ZNF233: variants seen among roughly 807,000 people sequenced by gnomAD.
ZNF233 encodes the protein zinc finger protein 233.
Under a neutral mutation model 11.6 loss-of-function variants are expected in ZNF233, and 7 were observed. The ratio of observed to expected loss-of-function variants is 0.60; its 90% CI spans 0.34 to 1.13. The LOEUF (loss-of-function observed/expected upper bound fraction) is 1.13. Ranked by LOEUF, ZNF233 falls within the 50% of genes most tolerant of loss-of-function variation. The probability of loss-of-function intolerance (pLI) is 0.03; values close to 1 mark genes in which losing one functional copy is unlikely to be tolerated. For missense variants in ZNF233, 711 were observed against 785.5 expected (o/e 0.91, Z 1.13); for synonymous variants, 226 against 268.5 (o/e 0.84, Z 1.55).
chr19:44,265,362 TATATACACAC>T lies in ZNF233; in HGVS notation c.16-834_16-825del, dbSNP rs1388262774. 6.0e-3 allele frequency among the ~76,000 whole-genome samples: 529 copies of T among 87,638 alleles called. 4 individuals are homozygous for T. The highest frequency in any genetic ancestry group is 0.015 in the African/African-American group (427 of 28,096). The allele number at this position is 87,638 out of a possible 152,430, so 57.5% of individuals were successfully genotyped here. ...TGGCTGAGTAGTATTCCATCATATA[TATATACACAC>T]ACACACACACACACACACACACACA... On this transcript the variant is annotated intron_variant, in intron 2 of 4. Transcript: ENST00000683810.
At chr19:44,262,170 C>G (rs542161482) in intron 1 of ZNF233, among the ~76,000 whole-genome samples, 2 of 152,322 alleles carry the variant, frequency 1.3e-5, no homozygotes, top group African/African-American at 4.8e-5. Flanking sequence ...CAAATACTCA[C>G]TATATTCTAG....
In ZNF233 at chr19:44,273,837, G is replaced by A. The variant is rs534774704; in HGVS notation, c.1177G>A (p.Ala393Thr). ...TTTTGACATTCACTGTGTAGACAGT[G>A]CTGGAGAGAGAGCCTGTAAATGTGA... ...LDFDIHCVDS[A>T]GERACKCDVY... The change falls in exon 5 of 5, where the codon GCT becomes ACT. Residue 393 changes from alanine to threonine, a missense_variant. Physicochemically the swap from Ala to Thr is moderately conservative, Grantham distance 58. Transcript: ENST00000683810. The A allele has an allele frequency of 3.7e-6, 6 of 1,614,130 alleles. No homozygotes were observed. The South Asian group carries it at 4.4e-5, about 12-fold the overall frequency.
chr19:44,260,865 G>A (rs1228411187), intron 1 of ZNF233, among the ~76,000 whole-genome samples: 1 of 152,178 alleles, frequency 6.6e-6, no homozygotes, highest in African/African-American at 2.4e-5. Flanking sequence ...ATAAATGAGA[G>A]GTTGGATTAG....
intron 4 of ZNF233, chr19:44,267,302 T>C (rs1039734073): frequency 1.2e-5 from 5 of 403,168 alleles, no homozygotes; most frequent in African/African-American, 1.0e-4. Flanking sequence ...CACTCAGTTC[T>C]TTCCAGCCAC....
Position 44,274,817 on chromosome 19 carries a change from T to C in ZNF233, c.*144T>C. 1.4e-6 allele frequency: 1 copy of C among 697,556 alleles called. No homozygotes were observed. The highest frequency in any genetic ancestry group is 2.2e-6 in the Non-Finnish European group (1 of 452,480). 43.2% of individuals were successfully genotyped at this position (697,556 alleles called of 1,614,324 possible). A position where few individuals can be genotyped will look rare whatever the true frequency, so the allele number is the denominator to read the frequency against. The stretch of plus-strand genomic sequence containing the variant: ...GAATTCATGAGCTGAGTTTTTATAG[T>C]TATCTGAATTCCATTGAAGAAAACC... On this transcript the variant is annotated 3_prime_UTR_variant, in exon 5 of 5. Transcript: ENST00000683810.
chr19:44,272,901 C>A lies in ZNF233; in HGVS notation c.241C>A (p.His81Asn), dbSNP rs771369465. 1.2e-5 allele frequency: 18 copies of A among 1,550,622 alleles called. No homozygotes were observed. The highest frequency in any genetic ancestry group is 2.0e-5 in the Admixed American group (1 of 50,902). ...TEIQGDGCSG[H>N]KNQNEIDTLQ... is the part of the protein sequence containing the mutation. ...CTGAGTTCTCTTTATCATTCTAGGACACAAGAATCAAAATGAGATAGATAC... is the reference window on the plus strand; with the variant it reads ...CTGAGTTCTCTTTATCATTCTAGGAAACAAGAATCAAAATGAGATAGATAC... Residue 81 changes from histidine (H) to asparagine (N), a missense_variant and splice_region_variant, in exon 5 of 5, where the codon CAC becomes AAC. Coordinates refer to ENST00000683810, the MANE Select transcript of ZNF233 (RefSeq NM_001207005.2).
At chr19:44,268,880 G>C (rs1599875971) in intron 4 of ZNF233, among the ~76,000 whole-genome samples, 1 of 152,066 alleles carries the variant, frequency 6.6e-6, no homozygotes, top group East Asian at 1.9e-4. Context: ...ACTAATTAAA[G>C]TCATTCCTAC....
At chr19:44,269,539 C>T (rs1216591059) in intron 4 of ZNF233, among the ~76,000 whole-genome samples, 1 of 152,102 alleles carries the variant, frequency 6.6e-6, no homozygotes, top group East Asian at 1.9e-4. Flanking sequence ...TGTGATCTGC[C>T]CACGTTGGCC....
At chr19:44,261,209 G>A (rs1487745618) in intron 1 of ZNF233, among the ~76,000 whole-genome samples, 3 of 152,166 alleles carry the variant, frequency 2.0e-5, no homozygotes, top group Admixed American at 2.0e-4. Flanking sequence ...GAAGGCTGAG[G>A]CGGGAGGATG....
chr19:44,265,398 CACACACACA>C (rs1975052004), intron 2 of ZNF233, among the ~76,000 whole-genome samples: 1 of 150,938 alleles, frequency 6.6e-6, no homozygotes, highest in African/African-American at 2.4e-5. Flanking sequence ...CACACACACA[CACACACACA>C]CACCACGGTT....
intron 4 of ZNF233, among the ~76,000 whole-genome samples, chr19:44,272,340 C>CAA (rs34243089): frequency 5.6e-5 from 5 of 88,714 alleles, no homozygotes; most frequent in African/African-American, 7.6e-5. Context: ...CCTGCAGTCT[C>CAA]AAAAAAAAAA....
chr19:44,261,397 C>G lies in ZNF233; in HGVS notation c.-48+1459C>G, dbSNP rs184453614. On this transcript the variant is annotated intron_variant, in intron 1 of 4. Coordinates refer to ENST00000683810, the MANE Select transcript of ZNF233 (RefSeq NM_001207005.2). The stretch of plus-strand genomic sequence containing the variant: ...GAGCTGAGATCATCCCACTGCACTC[C>G]AGCCTGGGCAAGAGAGTGAGAGTCT... Among the ~76,000 whole-genome samples the G allele has an allele frequency of 3.7e-4, 56 of 152,104 alleles. No homozygotes were observed. The East Asian group carries it at 8.9e-3, about 24-fold the overall frequency.
At chr19:44,260,595 G>T (rs1437251916) in intron 1 of ZNF233, among the ~76,000 whole-genome samples, 1 of 152,114 alleles carries the variant, frequency 6.6e-6, no homozygotes, top group Non-Finnish European at 1.5e-5. Context: ...TCCATGTGGT[G>T]CCTGGGGATG....
rs1568632732 is a variant in ZNF233, at chr19:44,264,296, T to C, written c.-47-18T>C. 1 of 1,555,934 alleles carries C rather than the reference T, an allele frequency of 6.4e-7. No individual in the cohort carries two copies. Among genetic ancestry groups the C allele is most frequent in the Admixed American group, 1.7e-5 (1 of 59,632 alleles). On this transcript the variant is annotated intron_variant, in intron 1 of 4. Coordinates refer to ENST00000683810, the MANE Select transcript of ZNF233 (RefSeq NM_001207005.2). ...TGGGCTAGGGCCTGTTTCTCATGGC[T>C]TCTTTCTCTTTTCCCAGTTCTGCCT...
At chr19:44,261,704 T>A (rs1227287980) in intron 1 of ZNF233, among the ~76,000 whole-genome samples, 1 of 146,360 alleles carries the variant, frequency 6.8e-6, no homozygotes, top group Non-Finnish European at 1.5e-5. Context: ...CAGGCTGGAG[T>A]GCAGTGGCAC....
chr19:44,266,803 T>A (rs182673963), intron 3 of ZNF233, 63 bp from the exon 4 acceptor site: 5 of 1,238,588 alleles, frequency 4.0e-6, no homozygotes, highest in Non-Finnish European at 5.8e-6. Context: ...AATGGTGGTG[T>A]TGGAATTAAA....
Position 44,274,605 on chromosome 19 carries a change from A to G in ZNF233, c.1945A>G (p.Lys649Glu). ...AGTCCATACTGGAGAGAAACCATAC[A>G]AATGTTTTGTGTGTGGTAAGGGCTT... Reference protein sequence around the residue: ...QRVHTGEKPYKCFVCGKGFSK... With the variant: ...QRVHTGEKPYECFVCGKGFSK... The change falls in exon 5 of 5, where the codon AAA (lysine) becomes GAA (glutamate). Residue 649 changes from lysine to glutamate, a missense_variant. By Grantham distance (56) the Lys-to-Glu change is moderately conservative (BLOSUM62 1). Transcript: ENST00000683810. 6.2e-7 allele frequency: 1 copy of G among 1,612,684 alleles called. No homozygotes were observed. The highest frequency in any genetic ancestry group is 1.3e-5 in the African/African-American group (1 of 74,146).
chr19:44,264,634 TTAC>T (rs1290901323), intron 2 of ZNF233, among the ~76,000 whole-genome samples: 10 of 152,346 alleles, frequency 6.6e-5, no homozygotes, highest in African/African-American at 1.9e-4. Context: ...AACCTCCACA[TTAC>T]TACATTGCAT....
intron 4 of ZNF233, among the ~76,000 whole-genome samples, chr19:44,272,355 A>AG: frequency 6.6e-6 from 1 of 150,454 alleles, no homozygotes; most frequent in East Asian, 1.9e-4. Context: ...AAAAAAAAAA[A>AG]AAAAAGTCTT....
Sources: allele counts gnomAD v4.1 joint callset (sites outside exome capture counted in the v4.1 genomes callset), GRCh38; gene constraint gnomAD v4.1.1; transcripts MANE v1.5; gene names NCBI Gene and HGNC (gene_info 2026-07-23, HGNC 2026-07-21).